The following ALPL variants were observed in gnomAD, a reference collection of about 807,000 sequenced individuals.
ALPL encodes the protein alkaline phosphatase, tissue-nonspecific isozyme.
Under a neutral mutation model 51.3 loss-of-function variants are expected in ALPL, and 42 were observed. That is an observed-to-expected ratio of 0.82 (90% CI 0.64 to 1.06). The LOEUF is 1.06. Ranked by LOEUF, ALPL falls within the 50% of genes least tolerant of loss-of-function variation. ALPL has a pLI of 0.00. For missense variants in ALPL, 589 were observed against 709.4 expected, an observed-to-expected ratio of 0.83 and a Z score of 1.93; for synonymous variants, 279 against 296.4, an observed-to-expected ratio of 0.94 and a Z score of 0.60.
intron 1 of ALPL, among the ~76,000 whole-genome samples, chr1:21,524,248 C>T (rs1025315839): frequency 8.6e-5 from 13 of 152,022 alleles, no homozygotes; most frequent in Non-Finnish European, 7.4e-5. Flanking sequence ...ATGATCTGCC[C>T]GCCTCAGCCT....
intron 1 of ALPL, among the ~76,000 whole-genome samples, chr1:21,544,943 A>T (rs1407058752): frequency 6.6e-6 from 1 of 151,608 alleles, no homozygotes; most frequent in Non-Finnish European, 1.5e-5. Flanking sequence ...TTCCAACATT[A>T]AAAAAAATAC....
At chr1:21,520,002 C>G (rs565421044) in intron 1 of ALPL, among the ~76,000 whole-genome samples, 1 of 152,162 alleles carries the variant, frequency 6.6e-6, no homozygotes, top group African/African-American at 2.4e-5. Context: ...TGTGCTGCCC[C>G]CCGCATCCCA....
In ALPL at chr1:21,577,806, C is replaced by A; in HGVS notation, c.*158C>A. 9.9e-7 allele frequency: 1 copy of A among 1,007,052 alleles called. No homozygotes were observed. Among genetic ancestry groups the A allele is most frequent in the Non-Finnish European group, 1.4e-6 (1 of 704,670 alleles). The allele number at this position is 1,007,052 out of a possible 1,614,324, so 62.4% of individuals were successfully genotyped here. ...AAAGTCTGCCGCCCACCTCGCTCCC[C>A]TCTGGAATCTTCCCCAAGGGCCAAA... On this transcript the variant is annotated 3_prime_UTR_variant, in exon 12 of 12. Coordinates refer to ENST00000374840, the MANE Select transcript of ALPL (RefSeq NM_000478.6).
At chr1:21,529,069 C>CAA (rs58835667) in intron 1 of ALPL, among the ~76,000 whole-genome samples, 2 of 119,346 alleles carry the variant, frequency 1.7e-5, no homozygotes, top group Admixed American at 8.6e-5. Flanking sequence ...GACTCCATCT[C>CAA]AAAAAAAAAA....
Position 21,563,157 on chromosome 1 carries a change from C to T in ALPL, c.345C>T (p.Thr115=), listed in dbSNP as rs770785345. The T allele has an allele frequency of 9.9e-6, 16 of 1,613,836 alleles. No homozygotes were observed. Among genetic ancestry groups the T allele is most frequent in the Admixed American group, 1.7e-5 (1 of 60,034 alleles). ...AQVPDSAGTA[T]AYLCGVKANE... The stretch of plus-strand genomic sequence containing the variant: ...TCCCTGACAGTGCCGGCACCGCCAC[C>T]GCCTACCTGTGTGGGGTGAAGGCCA... Residue 115 remains threonine (T), a synonymous_variant, in exon 5 of 12, where the codon ACC becomes ACT. Coordinates refer to ENST00000374840, the MANE Select transcript of ALPL (RefSeq NM_000478.6).
chr1:21,577,055 C>A (rs561052923), intron 11 of ALPL, among the ~76,000 whole-genome samples: 1 of 152,284 alleles, frequency 6.6e-6, no homozygotes, highest in Non-Finnish European at 1.5e-5. Flanking sequence ...CCATATCATT[C>A]ATTCGTTCTT....
intron 2 of ALPL, among the ~76,000 whole-genome samples, chr1:21,555,725 T>C (rs1558544660): frequency 6.6e-6 from 1 of 151,728 alleles, no homozygotes; most frequent in Admixed American, 6.6e-5. Context: ...GCCTTTTTCT[T>C]GTCATTTGTA....
At position 21,509,820 on chromosome 1, in the gene ALPL, C is replaced by T. The variant is rs1391711065; in HGVS notation, c.-105+303C>T. 1.3e-5 allele frequency among the ~76,000 whole-genome samples: 2 copies of T among 152,098 alleles called. No homozygotes were observed. Among genetic ancestry groups the T allele is most frequent in the African/African-American group, 4.8e-5 (2 of 41,428 alleles). On this transcript the variant is annotated intron_variant, in intron 1 of 11. Transcript: ENST00000374840. This position sits in a 1 kb window ranked among gnomAD's most constrained non-coding sequence, Gnocchi z 6.0. ...GACCGCCCTGCAGTCCCAGGGTCTC[C>T]TACCTCCCGAGCCGCTGCCTGGGAC...
chr1:21,554,811 G>GTCTTTCTT (rs1432249256), intron 2 of ALPL, among the ~76,000 whole-genome samples: 23 of 48,356 alleles, frequency 4.8e-4, no homozygotes, highest in African/African-American at 1.3e-3. Flanking sequence ...CTGTCTGTCT[G>GTCTTTCTT]TCTGTCTTTC....
intron 2 of ALPL, among the ~76,000 whole-genome samples, chr1:21,559,103 T>C (rs1480145256): frequency 4.0e-5 from 6 of 151,686 alleles, no homozygotes; most frequent in African/African-American, 1.2e-4. Flanking sequence ...GGCCAAAAGA[T>C]GAGAATTGTG....
At chr1:21,512,416 G>A (rs1643707764) in intron 1 of ALPL, among the ~76,000 whole-genome samples, 1 of 152,188 alleles carries the variant, frequency 6.6e-6, no homozygotes, top group Admixed American at 6.5e-5. Flanking sequence ...ACTTTGGGCT[G>A]AACCAGCATT....
rs915406396 is a variant in ALPL at position 21,574,278 on chromosome 1, T to C, written c.997+479T>C. The C allele has an allele frequency of 2.4e-5, 21 of 889,106 alleles. No individual in the cohort carries two copies. In the African/African-American group the frequency reaches 3.3e-4, roughly 14 times the overall value. 55.1% of individuals were successfully genotyped at this position (889,106 alleles called of 1,614,324 possible). ...GACCTCTACCTGTGCACTTCTGTTA[T>C]GTGAAGCCAAAAATAGCATCTGTCT... is the stretch of plus-strand genomic sequence containing the variant. On this transcript the variant is annotated intron_variant, in intron 9 of 11. Transcript: ENST00000374840.
chr1:21,560,786 C>T (rs1178760372), intron 3 of ALPL, 41 bp downstream of exon 3: 2 of 1,613,178 alleles, frequency 1.2e-6, no homozygotes, highest in East Asian at 2.2e-5. Context: ...AACAGGACAC[C>T]TAGCTAGGAG....
intron 1 of ALPL, among the ~76,000 whole-genome samples, chr1:21,518,922 A>G (rs1643850700): frequency 6.6e-6 from 1 of 152,204 alleles, no homozygotes; most frequent in South Asian, 2.1e-4. Flanking sequence ...TTGAGATGCT[A>G]ACACACTGAA....
chr1:21,559,670 C>A (rs1405956753), intron 2 of ALPL, among the ~76,000 whole-genome samples: 1 of 152,200 alleles, frequency 6.6e-6, no homozygotes, highest in East Asian at 1.9e-4. Flanking sequence ...CAGGTGCACA[C>A]TGCCACGCCC....
intron 8 of ALPL, among the ~76,000 whole-genome samples, chr1:21,571,939 G>A (rs966077522): frequency 2.0e-5 from 3 of 151,908 alleles, no homozygotes; most frequent in Non-Finnish European, 4.4e-5. Flanking sequence ...GCTGCAGTGA[G>A]TTGTGATTAT....
chr1:21,565,574 G>A (rs937713041), intron 6 of ALPL, among the ~76,000 whole-genome samples: 1 of 151,764 alleles, frequency 6.6e-6, no homozygotes, highest in Non-Finnish European at 1.5e-5. Context: ...AAGGAAATTC[G>A]AGGGGAGGGA....
intron 1 of ALPL, among the ~76,000 whole-genome samples, chr1:21,541,241 C>G (rs1644180291): frequency 6.6e-6 from 1 of 152,244 alleles, no homozygotes; most frequent in Non-Finnish European, 1.5e-5. Flanking sequence ...AACCCTAGCT[C>G]CTGACTGACA....
At chr1:21,550,349 G>C (rs1023585071) in intron 1 of ALPL, among the ~76,000 whole-genome samples, 4 of 152,178 alleles carry the variant, frequency 2.6e-5, no homozygotes, top group African/African-American at 9.7e-5. Flanking sequence ...GCAACTTCCT[G>C]TTGGTAACCT....
Sources: allele counts gnomAD v4.1 joint callset (sites outside exome capture counted in the v4.1 genomes callset), GRCh38; gene constraint gnomAD v4.1.1; non-coding constraint Gnocchi (gnomAD v3.1); transcripts MANE v1.5; gene names NCBI Gene and HGNC (gene_info 2026-07-23, HGNC 2026-07-21).